Variants in GALC observed in about 807,000 individuals in gnomAD.
GALC encodes the protein galactosylceramidase, also known as galactocerebrosidase.
Under a neutral mutation model 91.8 loss-of-function variants are expected in GALC, and 77 were observed. The observed-to-expected ratio is 0.84, with a 90% CI of 0.70 to 1.01. The LOEUF is 1.01. Among genes scored for constraint, GALC ranks in the 50% least tolerant of loss-of-function variants. The pLI is 0.00. For missense variants in GALC, 882 were observed against 855.9 expected (o/e 1.03, Z -0.38); for synonymous variants, 357 against 306.7 (o/e 1.16, Z -1.71).
In GALC at chr14:87,934,573, C is replaced by A; in HGVS notation, c.*159G>T. ...GAATTAATTCTAATAAAATCTTCCA[C>A]AGGGTAAATTAAAAATAAATTTCTC... On this transcript the variant is annotated 3_prime_UTR_variant, in exon 17 of 17. Transcript: ENST00000261304. 1 of 1,487,280 alleles carries A rather than the reference C, an allele frequency of 6.7e-7. No homozygotes were observed. Among genetic ancestry groups the A allele is most frequent in the South Asian group, 1.3e-5 (1 of 75,238 alleles). The allele number at this position is 1,487,280 out of a possible 1,614,324, so 92.1% of individuals were successfully genotyped here.
chr14:87,966,549 T>A (rs968560208), intron 8 of GALC, among the ~76,000 whole-genome samples: 6 of 152,200 alleles, frequency 3.9e-5, no homozygotes, highest in African/African-American at 1.4e-4. Flanking sequence ...CTTCTAATTC[T>A]ATCAGTACAA....
At chr14:87,993,415 G>T, upstream of GALC, 1 of 1,535,880 alleles carries the variant, frequency 6.5e-7, no homozygotes, top group South Asian at 1.2e-5. Flanking sequence ...ACCTGGTGGA[G>T]CACTTTAACG....
In GALC at chr14:87,977,275, C is replaced by T. The variant is rs1055227362; in HGVS notation, c.622-787G>A. Among the ~76,000 whole-genome samples, 4 of 152,034 alleles carry T rather than the reference C, an allele frequency of 2.6e-5. No homozygotes were observed. The East Asian group carries it at 7.7e-4, about 29-fold the overall frequency. ...AAAATTTACCTGTAGGACTGTCCAC[C>T]CACAAAAATTAAAAGTAACAAGCTA... On this transcript the variant is annotated intron_variant, in intron 6 of 16. Coordinates refer to ENST00000261304, the MANE Select transcript of GALC (RefSeq NM_000153.4).
chr14:87,990,883 A>G (rs887287168), intron 1 of GALC, among the ~76,000 whole-genome samples: 2 of 152,242 alleles, frequency 1.3e-5, no homozygotes, highest in Non-Finnish European at 2.9e-5. Flanking sequence ...TTACAGGCCC[A>G]GGAAAAAGCC....
chr14:87,954,044 C>T (rs1000206216), intron 10 of GALC: 15 of 1,609,682 alleles, frequency 9.3e-6, no homozygotes, highest in Admixed American at 6.7e-5. Flanking sequence ...AATGGGTTGG[C>T]GAGACAGTAC....
At position 87,976,538 on chromosome 14, in the gene GALC, G is replaced by T. The variant is rs763077248; in HGVS notation, c.622-50C>A. ...ATGAAAGGATACAAATGAATTTTTA[G>T]CTGTTGAATTTATGACCAAGATAGA... On this transcript the variant is annotated intron_variant, in intron 6 of 16. Coordinates refer to ENST00000261304, the MANE Select transcript of GALC (RefSeq NM_000153.4). The T allele has an allele frequency of 3.4e-6, 5 of 1,483,314 alleles. No homozygotes were observed. In the South Asian group the frequency reaches 4.6e-5, roughly 14 times the overall value. The allele number at this position is 1,483,314 out of a possible 1,614,324, so 91.9% of individuals were successfully genotyped here.
intron 5 of GALC, among the ~76,000 whole-genome samples, chr14:87,982,713 C>T (rs17798005): frequency 0.11 from 17,211 of 152,166 alleles, 1,147 homozygotes; most frequent in Non-Finnish European, 0.16. Flanking sequence ...GTCACAAAAG[C>T]AACTCTGAAT....
chr14:87,988,862 G>A (rs1278278567), intron 1 of GALC, among the ~76,000 whole-genome samples: 1 of 152,214 alleles, frequency 6.6e-6, no homozygotes, highest in Admixed American at 6.5e-5. Flanking sequence ...AAATGGGAGG[G>A]ATGAATGTCA....
intron 10 of GALC, among the ~76,000 whole-genome samples, chr14:87,961,423 CAG>C (rs1317987867): frequency 6.6e-6 from 1 of 152,054 alleles, no homozygotes; most frequent in Admixed American, 6.6e-5. Flanking sequence ...ATCCTAAAGA[CAG>C]AGTTACCATG....
At chr14:87,985,513 G>C (rs1886931986) in intron 4 of GALC, among the ~76,000 whole-genome samples, 1 of 152,170 alleles carries the variant, frequency 6.6e-6, no homozygotes, top group Non-Finnish European at 1.5e-5. Flanking sequence ...TAGTGGATAT[G>C]TGCTGAATTC....
At chr14:87,947,288 G>A (rs1021733688) in intron 13 of GALC, among the ~76,000 whole-genome samples, 1 of 143,908 alleles carries the variant, frequency 6.9e-6, no homozygotes, top group Non-Finnish European at 1.5e-5. Flanking sequence ...TAAAAAAAAA[G>A]CACGGGATGG....
intron 7 of GALC, 27 bp from the exon 8 acceptor site, chr14:87,968,517 T>A (rs768359411): frequency 1.2e-6 from 2 of 1,611,820 alleles, no homozygotes; most frequent in Admixed American, 3.3e-5. Flanking sequence ...TGGAAGTCAA[T>A]GAAAAAAGGT....
rs444902 is a variant in GALC at position 87,945,459 on chromosome 14, T to C, written c.1670+94A>G. On this transcript the variant is annotated intron_variant, in intron 14 of 16. Coordinates refer to ENST00000261304, the MANE Select transcript of GALC (RefSeq NM_000153.4). ...TTACACATCTATTAGGTTCTTGAAA[T>C]AGGAGGACCATTGAAAACTCTTCAC... is the stretch of plus-strand genomic sequence containing the variant. 0.99 allele frequency: 922,552 copies of C among 935,098 alleles called. 455,706 individuals are homozygous for C. Among genetic ancestry groups the C allele is most frequent in the Non-Finnish European group, 1 (562,964 of 563,272 alleles). 57.9% of individuals were successfully genotyped at this position (935,098 alleles called of 1,614,324 possible).
Position 87,956,172 on chromosome 14 carries a change from CCAGA to C in GALC, c.1162-5428_1162-5425del, listed in dbSNP as rs528038261. Among the ~76,000 whole-genome samples, 214 of 152,028 alleles carry C rather than the reference CCAGA, an allele frequency of 1.4e-3. 1 individual carries two copies. Among genetic ancestry groups the C allele is most frequent in the Middle Eastern group, 6.8e-3 (2 of 294 alleles). On this transcript the variant is annotated intron_variant, in intron 10 of 16. Transcript: ENST00000261304. ...CTTACAGTGAGGTGTGATCAAGGAA[CCAGA>C]CAGAGTCCTGGAAAAACAAATCCCA...
At chr14:87,944,467 A>C (rs2269313) in intron 14 of GALC, among the ~76,000 whole-genome samples, 49,861 of 151,846 alleles carry the variant, frequency 0.33, 9,218 homozygotes, top group East Asian at 0.58. Flanking sequence ...ACAAATAAGG[A>C]TGCCAAGAAC....
chr14:87,990,696 A>G (rs565958100), intron 1 of GALC, among the ~76,000 whole-genome samples: 4 of 152,334 alleles, frequency 2.6e-5, no homozygotes, highest in Admixed American at 1.3e-4. Context: ...TCCCACATTT[A>G]ACAGAGAAAG....
intron 6 of GALC, among the ~76,000 whole-genome samples, chr14:87,979,904 C>G (rs1042967996): frequency 1.3e-5 from 2 of 152,134 alleles, no homozygotes; most frequent in African/African-American, 4.8e-5. Context: ...TTTCCACTTA[C>G]AATCCCTGTG....
chr14:87,940,986 T>G (rs1489121786), intron 15 of GALC, among the ~76,000 whole-genome samples: 2 of 151,972 alleles, frequency 1.3e-5, no homozygotes, highest in Non-Finnish European at 2.9e-5. Context: ...TTTTTCCATT[T>G]TAAGCCGATC....
In GALC at chr14:87,935,286, G is replaced by A. The variant is rs1378448467; in HGVS notation, c.1912-408C>T. Among the ~76,000 whole-genome samples the A allele has an allele frequency of 3.9e-5, 6 of 152,180 alleles. No homozygotes were observed. The East Asian group carries it at 9.7e-4, about 25-fold the overall frequency. On this transcript the variant is annotated intron_variant, in intron 16 of 16. Transcript: ENST00000261304. The stretch of plus-strand genomic sequence containing the variant: ...CACCAGCTCTTCAGACATGACTGCT[G>A]GAGTCAAAACATCTGCTTCTACCTC...
Sources: allele counts gnomAD v4.1 joint callset (sites outside exome capture counted in the v4.1 genomes callset), GRCh38; gene constraint gnomAD v4.1.1; transcripts MANE v1.5; gene names NCBI Gene and HGNC (gene_info 2026-07-23, HGNC 2026-07-21).